Variants in ZHX2 observed in about 807,000 individuals in gnomAD.
The protein encoded by ZHX2 is zinc fingers and homeoboxes 2.
In ZHX2, 6 loss-of-function variants were observed where a neutral mutation model predicts 21.9. The ratio of observed to expected loss-of-function variants is 0.27; its 90% CI spans 0.15 to 0.54. ZHX2 has a LOEUF of 0.54. Among genes scored for constraint, ZHX2 ranks in the 20% least tolerant of loss-of-function variants. ZHX2 has a pLI of 0.95. For synonymous variants in ZHX2, 434 were observed against 437.1 expected (o/e 0.99, Z 0.09); for missense variants, 908 against 1,090.7 (o/e 0.83, Z 2.36).
In ZHX2 at chr8:122,813,807, G is replaced by A. The variant is rs148479751; in HGVS notation, c.-283+31861G>A. ...TTTTGGATTTTAAAGCATTTTGAAT[G>A]TCAGATTTTTTATTAGGGATGCTTA... On this transcript the variant is annotated intron_variant, in intron 1 of 3. Transcript: ENST00000314393. Among the ~76,000 whole-genome samples the A allele has an allele frequency of 5.4e-3, 815 of 152,318 alleles. 6 individuals carry two copies. Among genetic ancestry groups the A allele is most frequent in the Admixed American group, 0.014 (218 of 15,308 alleles).
chr8:122,905,005 C>A (rs1465218461), intron 2 of ZHX2, among the ~76,000 whole-genome samples: 1 of 152,174 alleles, frequency 6.6e-6, no homozygotes, highest in Non-Finnish European at 1.5e-5. Flanking sequence ...AAATTAAAAA[C>A]TCACTGGATG....
intron 1 of ZHX2, among the ~76,000 whole-genome samples, chr8:122,849,224 C>T (rs1185837945): frequency 1.3e-5 from 2 of 152,302 alleles, no homozygotes; most frequent in East Asian, 1.9e-4. Context: ...TCTGAGTCTC[C>T]GTTTCCCCAT....
Position 122,781,714 on chromosome 8 carries a change from CT to C in ZHX2, c.-504del, listed in dbSNP as rs370222853. On this transcript the variant is annotated 5_prime_UTR_variant, in exon 1 of 4. Coordinates refer to ENST00000314393, the MANE Select transcript of ZHX2 (RefSeq NM_014943.5). This position sits in a 1 kb window ranked among gnomAD's most constrained non-coding sequence, Gnocchi z 4.6. ...GGCATTTTTTTTCCCTTTTTTTTTC[CT>C]TTTTTTTTTTCTTTTAAAAATTTTG... 7.7e-3 allele frequency: 1,138 copies of C among 147,234 alleles called. 16 individuals are homozygous for C. Among genetic ancestry groups the C allele is most frequent in the East Asian group, 0.045 (228 of 5,042 alleles). The allele number at this position is 147,234 out of a possible 1,614,324, so 9.1% of individuals were successfully genotyped here. A position where few individuals can be genotyped will look rare whatever the true frequency, so the allele number is the denominator to read the frequency against.
At chr8:122,787,828 A>G (rs568067481) in intron 1 of ZHX2, among the ~76,000 whole-genome samples, 57 of 152,354 alleles carry the variant, frequency 3.7e-4, no homozygotes, top group African/African-American at 1.3e-3. Flanking sequence ...GCTGGGCTCA[A>G]AAACATCTGC....
chr8:122,802,807 C>T (rs1412431066), intron 1 of ZHX2, among the ~76,000 whole-genome samples: 2 of 152,136 alleles, frequency 1.3e-5, no homozygotes, highest in African/African-American at 4.8e-5. Context: ...CAGGGGGCTG[C>T]CCTTCCACGC....
chr8:122,818,693 CG>C (rs1318645776), intron 1 of ZHX2, among the ~76,000 whole-genome samples: 3 of 152,188 alleles, frequency 2.0e-5, no homozygotes, highest in African/African-American at 7.2e-5. Flanking sequence ...GCATCCAGGA[CG>C]CGCCCCGTGA....
chr8:122,932,519 T>C (rs1245971933), intron 2 of ZHX2, among the ~76,000 whole-genome samples: 1 of 152,172 alleles, frequency 6.6e-6, no homozygotes, highest in Non-Finnish European at 1.5e-5. Flanking sequence ...TTCTCCTTCG[T>C]AGTCAAAACT....
intron 1 of ZHX2, among the ~76,000 whole-genome samples, chr8:122,832,615 G>C (rs745561265): frequency 3.9e-5 from 6 of 152,154 alleles, no homozygotes; most frequent in Non-Finnish European, 8.8e-5. Context: ...TATGGAGAGG[G>C]CCTTTAGCAG....
intron 2 of ZHX2, among the ~76,000 whole-genome samples, chr8:122,918,070 T>A (rs919930958): frequency 2.6e-5 from 4 of 152,228 alleles, no homozygotes; most frequent in Admixed American, 1.3e-4. Context: ...ATAAGACTAA[T>A]GGCTAATCTT....
chr8:122,924,860 G>C (rs1374882903), intron 2 of ZHX2, among the ~76,000 whole-genome samples: 1 of 152,134 alleles, frequency 6.6e-6, no homozygotes, highest in Non-Finnish European at 1.5e-5. Context: ...TCTGAGTCGC[G>C]GTCTCAGTTG....
chr8:122,860,451 T>C (rs971896588), intron 1 of ZHX2, among the ~76,000 whole-genome samples: 4 of 152,230 alleles, frequency 2.6e-5, no homozygotes, highest in Admixed American at 2.6e-4. Context: ...CACAGAGATT[T>C]GGGAGACAAT....
chr8:122,926,288 G>A (rs1820850110), intron 2 of ZHX2, among the ~76,000 whole-genome samples: 1 of 152,156 alleles, frequency 6.6e-6, no homozygotes, highest in African/African-American at 2.4e-5. Context: ...AGGGTTGAGG[G>A]CCCTGCCTGG....
intron 1 of ZHX2, among the ~76,000 whole-genome samples, chr8:122,799,550 T>C (rs1460842901): frequency 6.6e-6 from 1 of 152,220 alleles, no homozygotes; most frequent in Non-Finnish European, 1.5e-5. Context: ...AACTTTCTTT[T>C]TTAGCTTATG....
chr8:122,934,422 G>A (rs1812621465), intron 2 of ZHX2, among the ~76,000 whole-genome samples: 1 of 152,222 alleles, frequency 6.6e-6, no homozygotes, highest in Non-Finnish European at 1.5e-5. Flanking sequence ...CCTTGTAACA[G>A]TGGTGAAGCT....
At chr8:122,849,889 G>A (rs11781089) in intron 1 of ZHX2, among the ~76,000 whole-genome samples, 30,567 of 152,002 alleles carry the variant, frequency 0.2, 3,343 homozygotes, top group Middle Eastern at 0.34. Flanking sequence ...CTCATGCCCC[G>A]CACAGAGCAA....
At position 122,798,801 on chromosome 8, in the gene ZHX2, CA is replaced by C. The variant is rs35258860; in HGVS notation, c.-283+16869del. On this transcript the variant is annotated intron_variant, in intron 1 of 3. Coordinates refer to ENST00000314393, the MANE Select transcript of ZHX2 (RefSeq NM_014943.5). Reference sequence around the variant, plus strand: ...GGACAGAGCGAGAGCGAGACTGTCTCAAAAAAAAAAAAAAGAAAGAAAGAAA... The same window carrying C: ...GGACAGAGCGAGAGCGAGACTGTCTCAAAAAAAAAAAAAGAAAGAAAGAAA... 4.5e-3 allele frequency among the ~76,000 whole-genome samples: 581 copies of C among 128,774 alleles called. 2 individuals carry two copies. Among genetic ancestry groups the C allele is most frequent in the African/African-American group, 0.011 (386 of 34,688 alleles). 84.5% of individuals were successfully genotyped at this position (128,774 alleles called of 152,430 possible).
intron 2 of ZHX2, among the ~76,000 whole-genome samples, chr8:122,950,599 A>T (rs1267855255): frequency 6.6e-6 from 1 of 152,180 alleles, no homozygotes; most frequent in Non-Finnish European, 1.5e-5. Flanking sequence ...ATTTTAAAAA[A>T]GTCCAATGGC....
In ZHX2 at chr8:122,916,060, C is replaced by T. The variant is rs553008831; in HGVS notation, c.-219-35232C>T. Among the ~76,000 whole-genome samples, 41 of 152,356 alleles carry T rather than the reference C, an allele frequency of 2.7e-4. 1 individual carries two copies. In the South Asian group the frequency reaches 8.5e-3, roughly 32 times the overall value. ...ACCTGGGGGAAGGGCAGATGGGCCT[C>T]TTGCCTCAGTGGGTTTCAACGGCCT... On this transcript the variant is annotated intron_variant, in intron 2 of 3. Coordinates refer to ENST00000314393, the MANE Select transcript of ZHX2 (RefSeq NM_014943.5).
chr8:122,858,573 T>C (rs1586333076), intron 1 of ZHX2, among the ~76,000 whole-genome samples: 1 of 152,022 alleles, frequency 6.6e-6, no homozygotes, highest in Admixed American at 6.6e-5. Flanking sequence ...TGTGTGTGCC[T>C]GTGGAGCTCA....
Sources: gnomAD v4.1 joint callset for allele counts (sites outside exome capture counted in the v4.1 genomes callset) on GRCh38, gnomAD v4.1.1 for gene constraint, Gnocchi (gnomAD v3.1) non-coding constraint, MANE v1.5 for transcripts, NCBI Gene and HGNC (gene_info 2026-07-23, HGNC 2026-07-21) for gene names.